The following PER2 variants were observed in gnomAD, a reference collection of about 807,000 sequenced individuals.
The protein encoded by PER2 is period circadian protein homolog 2.
PER2 carries 66 observed loss-of-function variants against 121.0 expected under a neutral mutation model. The observed-to-expected ratio is 0.55, with a 90% CI of 0.45 to 0.67. PER2 has a LOEUF of 0.67. PER2 is among the 30% of genes least tolerant of loss of function. PER2 has a pLI of 0.00. For synonymous variants in PER2, 684 were observed against 659.9 expected, an observed-to-expected ratio of 1.04 and a Z score of -0.56; for missense variants, 1,521 against 1,635.0, an observed-to-expected ratio of 0.93 and a Z score of 1.20.
chr2:238,253,081 A>G lies in PER2; in HGVS notation c.2942T>C (p.Phe981Ser). 4 of 1,612,282 alleles carry G rather than the reference A, an allele frequency of 2.5e-6. No individual in the cohort carries two copies. Among genetic ancestry groups the G allele is most frequent in the Non-Finnish European group, 3.4e-6 (4 of 1,178,628 alleles). ...CAGGGGCGAGCTGCTGCGGGACTGA[A>G]AGAGCGGTGGGGAGGCCCTACCCAT... is the stretch of plus-strand genomic sequence containing the variant. ...SAMGRASPPL[F>S]QSRSSSPLQL... is the part of the protein sequence containing the mutation. Residue 981 changes from phenylalanine to serine, a missense_variant, in exon 19 of 23, where the codon TTT (phenylalanine) becomes TCT (serine). Physicochemically the swap from Phe to Ser is radical, Grantham distance 155 (BLOSUM62 -2). Coordinates refer to ENST00000254657, the MANE Select transcript of PER2 (RefSeq NM_022817.3). The surrounding 1 kb of genome is among the most constrained non-coding windows in gnomAD (Gnocchi z 5.6).
intron 3 of PER2, 28 bp from the exon 4 acceptor site, chr2:238,275,925 A>T (rs372722346): frequency 1.2e-6 from 2 of 1,613,826 alleles, no homozygotes; most frequent in Non-Finnish European, 1.7e-6. Flanking sequence ...GAGGCAGCCA[A>T]ATGTTAGCTT....
chr2:238,267,561 G>A (rs1428682149), intron 8 of PER2, among the ~76,000 whole-genome samples: 2 of 152,208 alleles, frequency 1.3e-5, no homozygotes, highest in Non-Finnish European at 2.9e-5. Context: ...GAAATTCCAG[G>A]AAAAGTTAGG....
At chr2:238,266,382 A>G (rs4663869) in intron 8 of PER2, among the ~76,000 whole-genome samples, 17,738 of 151,882 alleles carry the variant, frequency 0.12, 1,117 homozygotes, top group South Asian at 0.13. Context: ...TCAGCCTCCC[A>G]AAGTGCCAGA....
intron 18 of PER2, chr2:238,254,904 C>G (rs933146689): frequency 1.3e-5 from 2 of 152,178 alleles, no homozygotes; most frequent in Non-Finnish European, 2.9e-5. Context: ...TGCGTCTGCC[C>G]AGAGACCCGG....
At position 238,255,927 on chromosome 2, in the gene PER2, C is replaced by G; in HGVS notation, c.2066-16G>C. On this transcript the variant is annotated splice_polypyrimidine_tract_variant and intron_variant, in intron 17 of 22. Coordinates refer to ENST00000254657, the MANE Select transcript of PER2 (RefSeq NM_022817.3). ...TCCACCATCTCTGTAACACAAGAAC[C>G]CAGGGCTCTGGTCCACACGTGCCCT... 9 of 1,614,154 alleles carry G rather than the reference C, an allele frequency of 5.6e-6. No homozygotes were observed. Among genetic ancestry groups the G allele is most frequent in the Non-Finnish European group, 7.6e-6 (9 of 1,180,014 alleles).
intron 14 of PER2, among the ~76,000 whole-genome samples, chr2:238,259,388 G>T (rs547724855): frequency 6.6e-6 from 1 of 152,244 alleles, no homozygotes; most frequent in South Asian, 2.1e-4. Context: ...GGAGCAGCAT[G>T]AATCTGAACC....
chr2:238,290,394 G>A (rs903825212), upstream of PER2, among the ~76,000 whole-genome samples: 7 of 151,580 alleles, frequency 4.6e-5, no homozygotes, highest in Non-Finnish European at 8.8e-5. Flanking sequence ...TCCCATTGAC[G>A]TCAATGGGGA....
chr2:238,277,615 T>A, intron 2 of PER2, 92 bp downstream of exon 2: 1 of 1,429,910 alleles, frequency 7.0e-7, no homozygotes, highest in East Asian at 2.3e-5. Flanking sequence ...TAATCATGAT[T>A]TAAAGATTGC....
At chr2:238,255,980 T>C (rs1259346969) in intron 17 of PER2, 69 bp from the exon 18 acceptor site, 6 of 1,569,714 alleles carry the variant, frequency 3.8e-6, no homozygotes, top group Non-Finnish European at 5.3e-6. Context: ...CACACTATAT[T>C]CACGAACAAG....
At chr2:238,261,521 G>A (rs1248856407) in intron 12 of PER2, 10 of 611,542 alleles carry the variant, frequency 1.6e-5, no homozygotes, top group Middle Eastern at 4.2e-4. Context: ...AGACAAGGTC[G>A]AATGCAAGGC....
At position 238,273,140 on chromosome 2, in the gene PER2, C is replaced by A; in HGVS notation, c.500G>T (p.Gly167Val). 1 of 1,613,828 alleles carries A rather than the reference C, an allele frequency of 6.2e-7. No homozygotes were observed. The highest frequency in any genetic ancestry group is 1.1e-5 in the South Asian group (1 of 91,078). ...LLMSSEGHPCGADVPSYTVEE... is the reference protein window; with the variant it reads ...LLMSSEGHPCVADVPSYTVEE... ...CACGGTGTAGGAGGGCACGTCTGCT[C>A]CACAGGGGTGACCCTCGCTGGACAT... is the stretch of plus-strand genomic sequence containing the variant. The change falls in exon 5 of 23, where the codon GGA becomes GTA. Residue 167 changes from glycine to valine, a missense_variant. Coordinates refer to ENST00000254657, the MANE Select transcript of PER2 (RefSeq NM_022817.3).
In PER2 at chr2:238,244,769, G is replaced by A. The variant is rs1208228217; in HGVS notation, c.*1606C>T. The A allele has an allele frequency of 6.6e-6, 1 of 150,428 alleles. No individual in the cohort carries two copies. The highest frequency in any genetic ancestry group is 1.5e-5 in the Non-Finnish European group (1 of 67,552). 9.3% of individuals were successfully genotyped at this position (150,428 alleles called of 1,614,324 possible). On this transcript the variant is annotated 3_prime_UTR_variant, in exon 23 of 23. Coordinates refer to ENST00000254657, the MANE Select transcript of PER2 (RefSeq NM_022817.3). Reference sequence around the variant, plus strand: ...AAACAGAAAACCCTGGTCCCAGTTGGGCGTGGTGGCTCACGCCTGTAATCC... The same window carrying A: ...AAACAGAAAACCCTGGTCCCAGTTGAGCGTGGTGGCTCACGCCTGTAATCC...
intron 1 of PER2, among the ~76,000 whole-genome samples, chr2:238,284,357 GC>G (rs1696719579): frequency 6.6e-6 from 1 of 151,036 alleles, no homozygotes; most frequent in Non-Finnish European, 1.5e-5. Flanking sequence ...CAGGAGAATT[GC>G]TTGAACCCAG....
Position 238,245,712 on chromosome 2 carries a change from G to T in PER2, c.*663C>A. ...TGGAGTTGGCCACACAAACCACTAG[G>T]CTTCTTTAGTCCAGAGCAAATGTTT... On this transcript the variant is annotated 3_prime_UTR_variant, in exon 23 of 23. Coordinates refer to ENST00000254657, the MANE Select transcript of PER2 (RefSeq NM_022817.3). The T allele has an allele frequency of 2.5e-6, 1 of 398,552 alleles. No individual in the cohort carries two copies. The highest frequency in any genetic ancestry group is 4.4e-6 in the Non-Finnish European group (1 of 226,058). The allele number at this position is 398,552 out of a possible 1,614,324, so 24.7% of individuals were successfully genotyped here.
In PER2 at chr2:238,250,659, C is replaced by T; in HGVS notation, c.3359G>A (p.Gly1120Asp). 1.2e-6 allele frequency: 2 copies of T among 1,612,944 alleles called. No individual in the cohort carries two copies. Among genetic ancestry groups the T allele is most frequent in the Non-Finnish European group, 1.7e-6 (2 of 1,178,840 alleles). ...ENNHKAKMNTGMEESEHFIKC... is the reference protein window; with the variant it reads ...ENNHKAKMNTDMEESEHFIKC... The stretch of plus-strand genomic sequence containing the variant: ...AATGAAATGCTCACTTTCTTCCATA[C>T]CAGTGTTCATTTTTGCTTTGTGATT... Residue 1120 changes from glycine (G) to aspartate (D), a missense_variant, in exon 21 of 23, where the codon GGT becomes GAT. Transcript: ENST00000254657.
chr2:238,266,311 A>G (rs531084616), intron 8 of PER2, among the ~76,000 whole-genome samples: 1 of 150,804 alleles, frequency 6.6e-6, no homozygotes, highest in Non-Finnish European at 1.5e-5. Context: ...TTAATGAGAC[A>G]GGGTCTCACT....
At chr2:238,265,450 G>T in intron 9 of PER2, 62 bp downstream of exon 9, 1 of 1,018,948 alleles carries the variant, frequency 9.8e-7, no homozygotes, top group Non-Finnish European at 1.6e-6. Context: ...TGCAGTCTTG[G>T]CTTTGGCTAA....
chr2:238,253,260 G>C lies in PER2; in HGVS notation c.2763C>G (p.Pro921=). The change falls in exon 19 of 23, where the codon CCC becomes CCG. Residue 921 remains proline, a synonymous_variant. Transcript: ENST00000254657. This position sits in a 1 kb window ranked among gnomAD's most constrained non-coding sequence, Gnocchi z 5.6. The stretch of plus-strand genomic sequence containing the variant: ...GAGGCTGGCTGGGGAAGAAGGCCTG[G>C]GGCAGGTTTGGGGTCCCCGAGGGGA... ...YSFPSGTPNL[P]QAFFPSQPQF... 6.2e-7 allele frequency: 1 copy of C among 1,608,710 alleles called. No homozygotes were observed.
intron 22 of PER2, among the ~76,000 whole-genome samples, chr2:238,248,653 G>GA (rs1236005538): frequency 8.5e-5 from 12 of 140,602 alleles, no homozygotes; most frequent in Non-Finnish European, 1.4e-4. Context: ...TTTAATTTTA[G>GA]AAATTTTTTT....
Sources: gnomAD v4.1 joint callset for allele counts (sites outside exome capture counted in the v4.1 genomes callset) on GRCh38, gnomAD v4.1.1 for gene constraint, Gnocchi (gnomAD v3.1) non-coding constraint, MANE v1.5 for transcripts, NCBI Gene and HGNC (gene_info 2026-07-23, HGNC 2026-07-21) for gene names.